COG5: variants seen among roughly 807,000 people sequenced by gnomAD.
COG5 encodes conserved oligomeric Golgi complex subunit 5.
A neutral mutation model predicts 110.4 loss-of-function variants in COG5; 86 were observed. That is an observed-to-expected ratio of 0.78 (90% CI 0.65 to 0.93). The LOEUF is 0.93. Ranked by LOEUF, COG5 falls within the 40% of genes least tolerant of loss-of-function variation. COG5 has a pLI of 0.00. For synonymous variants in COG5, 360 were observed against 334.6 expected (o/e 1.08, Z -0.83); for missense variants, 1,077 against 987.0 (o/e 1.09, Z -1.22).
At chr7:107,271,844 T>A (rs1298345071) in intron 14 of COG5, among the ~76,000 whole-genome samples, 1 of 152,268 alleles carries the variant, frequency 6.6e-6, no homozygotes, top group Admixed American at 6.5e-5. Context: ...TTGATTGAGA[T>A]CTTTTTTCCT....
intron 6 of COG5, among the ~76,000 whole-genome samples, chr7:107,473,162 A>C (rs1043973765): frequency 2.0e-5 from 3 of 151,944 alleles, no homozygotes; most frequent in African/African-American, 7.2e-5. Context: ...TTACTTTAAA[A>C]ACTCAGTTTA....
chr7:107,235,087 T>A (rs188826560), intron 18 of COG5, among the ~76,000 whole-genome samples: 32 of 152,330 alleles, frequency 2.1e-4, no homozygotes, highest in Non-Finnish European at 4.0e-4. Flanking sequence ...TATTTGGAGA[T>A]GAAAATGACT....
At chr7:107,461,710 T>C (rs539075522) in intron 6 of COG5, among the ~76,000 whole-genome samples, 5 of 152,320 alleles carry the variant, frequency 3.3e-5, no homozygotes, top group South Asian at 2.1e-4. Flanking sequence ...CAAAATCATA[T>C]GGTTTAAGTT....
intron 6 of COG5, among the ~76,000 whole-genome samples, chr7:107,500,052 G>C (rs991869811): frequency 2.0e-5 from 3 of 151,984 alleles, no homozygotes; most frequent in Non-Finnish European, 2.9e-5. Flanking sequence ...AGGAAGAAGA[G>C]CACTCAACCA....
chr7:107,492,721 T>C (rs2520279), intron 6 of COG5, among the ~76,000 whole-genome samples: 65,706 of 151,910 alleles, frequency 0.43, 14,763 homozygotes, highest in Non-Finnish European at 0.5. Context: ...CCATCACCTA[T>C]CCACTCTTCT....
chr7:107,364,653 T>C (rs2129047167), intron 8 of COG5, among the ~76,000 whole-genome samples: 1 of 152,292 alleles, frequency 6.6e-6, no homozygotes, highest in East Asian at 1.9e-4. Context: ...TGGTTAGTCA[T>C]TCTATATCCC....
At chr7:107,516,775 T>C (rs900347668) in intron 6 of COG5, among the ~76,000 whole-genome samples, 3 of 152,000 alleles carry the variant, frequency 2.0e-5, no homozygotes, top group African/African-American at 7.3e-5. Flanking sequence ...GAGGGGTCCG[T>C]TGGAAGAAAA....
chr7:107,541,148 C>A lies in COG5; in HGVS notation c.417+6963G>T, dbSNP rs1238075681. Among the ~76,000 whole-genome samples, 6 of 142,892 alleles carry A rather than the reference C, an allele frequency of 4.2e-5. No individual in the cohort carries two copies. In the East Asian group the frequency reaches 1.0e-3, roughly 25 times the overall value. The allele number at this position is 142,892 out of a possible 152,430, so 93.7% of individuals were successfully genotyped here. A position where few individuals can be genotyped will look rare whatever the true frequency, so the allele number is the denominator to read the frequency against. ...CCTGGGCAACAGAGCGGGACTCTGTCTTGAAAAAAAAAAAAAAATTTATAA... is the reference window on the plus strand; with the variant it reads ...CCTGGGCAACAGAGCGGGACTCTGTATTGAAAAAAAAAAAAAAATTTATAA... On this transcript the variant is annotated intron_variant, in intron 5 of 21. Coordinates refer to ENST00000297135, the MANE Select transcript of COG5 (RefSeq NM_006348.5).
chr7:107,297,444 T>TTTTTTA (rs1806849207), intron 12 of COG5, among the ~76,000 whole-genome samples: 1 of 32,590 alleles, frequency 3.1e-5, no homozygotes, highest in Admixed American at 2.8e-4. Context: ...ACATTCTGCC[T>TTTTTTA]TTTTTTTTTT....
chr7:107,350,482 T>C (rs865908561), intron 10 of COG5, among the ~76,000 whole-genome samples: 1 of 152,252 alleles, frequency 6.6e-6, no homozygotes, highest in Non-Finnish European at 1.5e-5. Context: ...ACAGATACCT[T>C]AGATTCTTTA....
chr7:107,218,979 T>C (rs375284037), intron 19 of COG5, among the ~76,000 whole-genome samples: 2 of 152,066 alleles, frequency 1.3e-5, no homozygotes, highest in East Asian at 3.8e-4. Flanking sequence ...ATTCAAAATC[T>C]ATACGGAACA....
chr7:107,210,636 G>A (rs1799096320), intron 20 of COG5, 31 bp from the exon 21 acceptor site: 1 of 1,571,496 alleles, frequency 6.4e-7, no homozygotes, highest in Non-Finnish European at 8.7e-7. Context: ...TAGAGAGAGT[G>A]CATACGCATT....
At chr7:107,374,209 G>T (rs1386299957) in intron 7 of COG5, among the ~76,000 whole-genome samples, 1 of 151,916 alleles carries the variant, frequency 6.6e-6, no homozygotes, top group African/African-American at 2.4e-5. Context: ...AAAACAAGGG[G>T]TATAGCATTT....
In COG5 at chr7:107,323,891, G is replaced by C. The variant is rs115960265; in HGVS notation, c.1108+549C>G. ...AAACACACGCGTAAGATATTAGCTG[G>C]TTTGCATATTTCATTGTATAGATCT... On this transcript the variant is annotated intron_variant, in intron 11 of 21. Coordinates refer to ENST00000297135, the MANE Select transcript of COG5 (RefSeq NM_006348.5). Among the ~76,000 whole-genome samples, 321 of 152,180 alleles carry C rather than the reference G, an allele frequency of 2.1e-3. 2 individuals carry two copies. The highest frequency in any genetic ancestry group is 7.2e-3 in the African/African-American group (300 of 41,536).
At chr7:107,288,628 T>A (rs1805851153) in intron 12 of COG5, among the ~76,000 whole-genome samples, 1 of 152,048 alleles carries the variant, frequency 6.6e-6, no homozygotes, top group African/African-American at 2.4e-5. Flanking sequence ...AGATCCCTTG[T>A]CCACTTTTTA....
At chr7:107,360,955 A>T (rs1465429991) in intron 10 of COG5, among the ~76,000 whole-genome samples, 1 of 152,184 alleles carries the variant, frequency 6.6e-6, no homozygotes, top group Non-Finnish European at 1.5e-5. Flanking sequence ...CTGGCTGGCG[A>T]AGTGACACCC....
At chr7:107,391,743 A>T (rs1001468021) in intron 7 of COG5, among the ~76,000 whole-genome samples, 8 of 152,214 alleles carry the variant, frequency 5.3e-5, no homozygotes, top group African/African-American at 1.9e-4. Context: ...CAAGTGACAT[A>T]TACACACCAA....
chr7:107,325,509 G>A (rs1442129418), intron 10 of COG5, among the ~76,000 whole-genome samples: 2 of 152,108 alleles, frequency 1.3e-5, no homozygotes, highest in Non-Finnish European at 2.9e-5. Context: ...AAATTAGCCA[G>A]GTGTGGTGGC....
chr7:107,461,698 G>C (rs1332244840), intron 6 of COG5, among the ~76,000 whole-genome samples: 1 of 152,104 alleles, frequency 6.6e-6, no homozygotes, highest in Admixed American at 6.5e-5. Context: ...AAATGAGTTT[G>C]GCAAAATCAT....
Sources: allele counts gnomAD v4.1 joint callset (sites outside exome capture counted in the v4.1 genomes callset), GRCh38; gene constraint gnomAD v4.1.1; transcripts MANE v1.5; gene names NCBI Gene and HGNC (gene_info 2026-07-23, HGNC 2026-07-21).